The following PCDH9 variants were observed in gnomAD, a reference collection of about 807,000 sequenced individuals.
The protein encoded by PCDH9 is protocadherin 9, also known as protocadherin-9.
A neutral mutation model predicts 70.6 loss-of-function variants in PCDH9; 24 were observed. The observed-to-expected ratio is 0.34, with a 90% CI of 0.25 to 0.48. The LOEUF (loss-of-function observed/expected upper bound fraction) is 0.48, where lower values mean the gene tolerates loss of function less well. PCDH9 is among the 20% of genes least tolerant of loss of function. The probability of loss-of-function intolerance (pLI) is 0.99; values close to 1 mark genes in which losing one functional copy is unlikely to be tolerated. For synonymous variants in PCDH9, 562 were observed against 558.5 expected (o/e 1.01, Z -0.09); for missense variants, 1,281 against 1,503.6 (o/e 0.85, Z 2.45).
At chr13:66,392,164 A>C (rs1957029410) in intron 4 of PCDH9, among the ~76,000 whole-genome samples, 1 of 151,864 alleles carries the variant, frequency 6.6e-6, no homozygotes, top group Non-Finnish European at 1.5e-5. Context: ...ACTGAATTGA[A>C]ATACTAAGAT....
intron 3 of PCDH9, among the ~76,000 whole-genome samples, chr13:66,662,473 C>CA (rs528406200): frequency 6.4e-4 from 84 of 131,358 alleles, no homozygotes; most frequent in African/African-American, 1.1e-3. Flanking sequence ...AACTCCGTCT[C>CA]AAAAAAAAAA....
chr13:66,954,882 G>A (rs968600306), intron 2 of PCDH9, among the ~76,000 whole-genome samples: 3 of 152,180 alleles, frequency 2.0e-5, no homozygotes, highest in African/African-American at 7.2e-5. Flanking sequence ...TCCTGCCTCA[G>A]CCTCCTGAGT....
chr13:66,428,612 G>C (rs980197274), intron 4 of PCDH9, among the ~76,000 whole-genome samples: 1 of 151,540 alleles, frequency 6.6e-6, no homozygotes, highest in Non-Finnish European at 1.5e-5. Context: ...TTATAAATCA[G>C]GGAAAATAAT....
At position 66,630,719 on chromosome 13, in the gene PCDH9, AT is replaced by A. The variant is rs2077559428; in HGVS notation, c.3340+490del. ...CATGATTTAATCCTTTTTTTTTTAAATTTTCTGGTAAAAACCAGAAAATCTG... is the reference window on the plus strand; with the variant it reads ...CATGATTTAATCCTTTTTTTTTTAAATTTCTGGTAAAAACCAGAAAATCTG... On this transcript the variant is annotated intron_variant, in intron 4 of 4. Transcript: ENST00000377865. The A allele has an allele frequency of 2.0e-5, 3 of 151,446 alleles. 1 individual carries two copies. In the South Asian group the frequency reaches 6.2e-4, roughly 31 times the overall value. 9.4% of individuals were successfully genotyped at this position (151,446 alleles called of 1,614,324 possible).
chr13:66,894,704 T>C (rs1164551427), intron 3 of PCDH9, among the ~76,000 whole-genome samples: 2 of 152,174 alleles, frequency 1.3e-5, no homozygotes, highest in Admixed American at 6.5e-5. Flanking sequence ...TAAATATCCA[T>C]TGCAAACATC....
intron 3 of PCDH9, among the ~76,000 whole-genome samples, chr13:66,890,907 A>C (rs1023734040): frequency 2.6e-5 from 4 of 152,130 alleles, no homozygotes; most frequent in Non-Finnish European, 5.9e-5. Context: ...AAGTTATAGA[A>C]CATTTATATT....
intron 2 of PCDH9, among the ~76,000 whole-genome samples, chr13:66,962,826 T>C (rs2083370458): frequency 2.0e-5 from 3 of 152,122 alleles, no homozygotes; most frequent in Non-Finnish European, 2.9e-5. Flanking sequence ...TGGATTGGGG[T>C]TGGGGGCCAG....
At chr13:66,921,730 T>C (rs180815350) in intron 2 of PCDH9, among the ~76,000 whole-genome samples, 2 of 151,420 alleles carry the variant, frequency 1.3e-5, no homozygotes, top group African/African-American at 4.8e-5. Context: ...ATACAAAAAG[T>C]AGTTTAATAA....
chr13:67,084,997 A>AAAAATAT (rs1566414172), intron 2 of PCDH9, among the ~76,000 whole-genome samples: 6 of 33,200 alleles, frequency 1.8e-4, no homozygotes, highest in African/African-American at 2.3e-4. Context: ...AAAAAAAAAA[A>AAAAATAT]ATATATATAT....
In PCDH9 at chr13:66,851,227, C is replaced by T. The variant is rs550691292; in HGVS notation, c.3138+52277G>A. 3.3e-5 allele frequency among the ~76,000 whole-genome samples: 5 copies of T among 152,140 alleles called. No homozygotes were observed. The South Asian group carries it at 1.0e-3, about 32-fold the overall frequency. Reference sequence around the variant, plus strand: ...CGTTAGTATCTAGAAATATTTCAACCTATTAGAGAAAAATAATCTCCTCTG... The same window carrying T: ...CGTTAGTATCTAGAAATATTTCAACTTATTAGAGAAAAATAATCTCCTCTG... On this transcript the variant is annotated intron_variant, in intron 3 of 4. Coordinates refer to ENST00000377865, the MANE Select transcript of PCDH9 (RefSeq NM_203487.3).
At chr13:67,213,417 A>T (rs920620685) in intron 2 of PCDH9, 2 of 151,942 alleles carry the variant, frequency 1.3e-5, no homozygotes, top group African/African-American at 4.8e-5. Context: ...AAATCCTTAA[A>T]GCCTGATTTT....
At chr13:66,587,992 C>T (rs1254655223) in intron 4 of PCDH9, among the ~76,000 whole-genome samples, 1 of 152,050 alleles carries the variant, frequency 6.6e-6, no homozygotes, top group Non-Finnish European at 1.5e-5. Context: ...TGCTCCCTCC[C>T]TCTTGCAGCT....
intron 2 of PCDH9, among the ~76,000 whole-genome samples, chr13:66,989,905 A>G (rs975635586): frequency 6.6e-6 from 1 of 151,874 alleles, no homozygotes; most frequent in Admixed American, 6.6e-5. Context: ...AAGAATTACT[A>G]TTCTGCTAAG....
Position 66,867,137 on chromosome 13 carries a change from T to C in PCDH9, c.3138+36367A>G, listed in dbSNP as rs144805420. ...CAGAAAGAGAAAACTAAAAGATAAA[T>C]GATCATTCTCTTGTTAGTGGTTATC... On this transcript the variant is annotated intron_variant, in intron 3 of 4. Transcript: ENST00000377865. 3.2e-3 allele frequency among the ~76,000 whole-genome samples: 481 copies of C among 152,012 alleles called. 4 individuals carry two copies. The highest frequency in any genetic ancestry group is 0.011 in the African/African-American group (438 of 41,482).
At chr13:66,775,466 C>T (rs2079875747) in intron 3 of PCDH9, among the ~76,000 whole-genome samples, 1 of 152,108 alleles carries the variant, frequency 6.6e-6, no homozygotes, top group South Asian at 2.1e-4. Context: ...GTTTGAACTG[C>T]GTGGATCCAC....
intron 3 of PCDH9, among the ~76,000 whole-genome samples, chr13:66,808,786 G>A (rs867230150): frequency 7.2e-5 from 11 of 152,202 alleles, no homozygotes; most frequent in South Asian, 2.1e-4. Flanking sequence ...CCCAGTTGCC[G>A]CATCAGAACC....
At chr13:66,933,512 T>A (rs978660614) in intron 2 of PCDH9, among the ~76,000 whole-genome samples, 12 of 152,238 alleles carry the variant, frequency 7.9e-5, no homozygotes, top group African/African-American at 2.9e-4. Flanking sequence ...TTTGTATTGC[T>A]ACAATAGCAA....
At chr13:66,782,163 G>A (rs1189278777) in intron 3 of PCDH9, among the ~76,000 whole-genome samples, 1 of 152,048 alleles carries the variant, frequency 6.6e-6, no homozygotes, top group Non-Finnish European at 1.5e-5. Context: ...AACTGCAGAT[G>A]TTGTTAAGAA....
chr13:67,164,634 A>T (rs2088059335), intron 2 of PCDH9, among the ~76,000 whole-genome samples: 1 of 151,738 alleles, frequency 6.6e-6, no homozygotes, highest in Non-Finnish European at 1.5e-5. Flanking sequence ...CAGCCTTGTG[A>T]TGTGCTGTTG....
Sources: allele counts gnomAD v4.1 joint callset (sites outside exome capture counted in the v4.1 genomes callset), GRCh38; gene constraint gnomAD v4.1.1; transcripts MANE v1.5; gene names NCBI Gene and HGNC (gene_info 2026-07-23, HGNC 2026-07-21).